Variants in CHCHD3 observed in about 807,000 individuals in gnomAD.
CHCHD3 encodes the protein coiled-coil-helix-coiled-coil-helix domain containing 3.
A neutral mutation model predicts 38.2 loss-of-function variants in CHCHD3; 20 were observed. That is an observed-to-expected ratio of 0.52 (90% CI 0.37 to 0.76). The LOEUF (loss-of-function observed/expected upper bound fraction) is 0.76. Among genes scored for constraint, CHCHD3 ranks in the 30% least tolerant of loss-of-function variants. The pLI, the probability that CHCHD3 is intolerant of heterozygous loss-of-function variation, is 0.00. For synonymous variants in CHCHD3, 82 were observed against 100.0 expected (o/e 0.82, Z 1.07); for missense variants, 245 against 279.2 (o/e 0.88, Z 0.87).
intron 2 of CHCHD3, among the ~76,000 whole-genome samples, chr7:133,064,036 A>G (rs1184623563): frequency 6.6e-6 from 1 of 152,200 alleles, no homozygotes; most frequent in Non-Finnish European, 1.5e-5. Flanking sequence ...AGCACTTTCC[A>G]TACCTCTTAT....
intron 2 of CHCHD3, among the ~76,000 whole-genome samples, chr7:133,062,421 A>G (rs1052025601): frequency 7.2e-5 from 11 of 152,182 alleles, no homozygotes; most frequent in African/African-American, 2.4e-4. Flanking sequence ...CCAATGCCGT[A>G]TTTTATTTCA....
At chr7:132,840,631 T>C (rs1585561976) in intron 5 of CHCHD3, among the ~76,000 whole-genome samples, 1 of 152,234 alleles carries the variant, frequency 6.6e-6, no homozygotes, top group East Asian at 1.9e-4. Context: ...TCAAATAAGA[T>C]AGGCAAGAGA....
intron 6 of CHCHD3, among the ~76,000 whole-genome samples, chr7:132,826,112 C>A (rs1268141433): frequency 6.6e-6 from 1 of 152,158 alleles, no homozygotes; most frequent in African/African-American, 2.4e-5. Flanking sequence ...CAGTGGCTAG[C>A]CGGTGGACTT....
intron 2 of CHCHD3, among the ~76,000 whole-genome samples, chr7:133,050,467 T>C (rs1814131965): frequency 6.6e-6 from 1 of 150,500 alleles, no homozygotes; most frequent in Admixed American, 6.6e-5. Context: ...CCACTCTTAA[T>C]GGCACACAGG....
chr7:133,035,978 C>T lies in CHCHD3; in HGVS notation c.170-11351G>A. On this transcript the variant is annotated intron_variant, in intron 2 of 7. Coordinates refer to ENST00000262570, the MANE Select transcript of CHCHD3 (RefSeq NM_017812.4). The surrounding 1 kb of genome is among the most constrained non-coding windows in gnomAD (Gnocchi z 4.7). ...TTAAAAGTGTTATCAGGTAGGGGTC[C>T]TTAGGGGAACTGTTTTAATGAAACT... The T allele has an allele frequency of 8.7e-7, 1 of 1,155,926 alleles. No individual in the cohort carries two copies. Among genetic ancestry groups the T allele is most frequent in the Non-Finnish European group, 1.3e-6 (1 of 783,800 alleles). 71.6% of individuals were successfully genotyped at this position (1,155,926 alleles called of 1,614,324 possible).
intron 4 of CHCHD3, among the ~76,000 whole-genome samples, chr7:132,928,021 G>A (rs186495023): frequency 3.3e-5 from 5 of 152,174 alleles, no homozygotes; most frequent in East Asian, 3.9e-4. Flanking sequence ...GCACAGAACC[G>A]AGCCAGGTTC....
Position 133,065,521 on chromosome 7 carries a change from G to A in CHCHD3, c.169+4621C>T, listed in dbSNP as rs151015872. Among the ~76,000 whole-genome samples the A allele has an allele frequency of 3.9e-5, 6 of 152,232 alleles. No individual in the cohort carries two copies. The East Asian group carries it at 1.2e-3, about 29-fold the overall frequency. On this transcript the variant is annotated intron_variant, in intron 2 of 7. Transcript: ENST00000262570. ...TAGCCTAGGGCTGGTATGACTAAGA[G>A]TCCTGTGAGAAAGAAGGCTTTTTAA...
At chr7:132,915,739 TAA>T (rs945566889) in intron 4 of CHCHD3, among the ~76,000 whole-genome samples, 8 of 152,178 alleles carry the variant, frequency 5.3e-5, no homozygotes, top group African/African-American at 1.9e-4. Context: ...TCATAGTACT[TAA>T]GAGAGAAGAT....
intron 6 of CHCHD3, among the ~76,000 whole-genome samples, chr7:132,820,297 TTC>T (rs1380272055): frequency 1.3e-5 from 2 of 152,258 alleles, no homozygotes; most frequent in Non-Finnish European, 2.9e-5. Context: ...AGCTTCATTG[TTC>T]TCTTCATAAT....
intron 3 of CHCHD3, among the ~76,000 whole-genome samples, chr7:132,985,348 G>A (rs1389961335): frequency 1.7e-4 from 12 of 71,038 alleles, no homozygotes; most frequent in African/African-American, 5.6e-4. Context: ...CCCTCTGCCC[G>A]GCCAGCCGCC....
In CHCHD3 at chr7:132,879,716, TAAAAAAAAAAAAAA is replaced by T. The variant is rs56259114; in HGVS notation, c.453+5932_453+5945del. On this transcript the variant is annotated intron_variant, in intron 5 of 7. Transcript: ENST00000262570. ...AACTATCAGAACACTTTGTCAAAAG[TAAAAAAAAAAAAAA>T]AAAAAAAAAAAAAAAAGGTTTGCTT... Among the ~76,000 whole-genome samples, 8 of 38,432 alleles carry T rather than the reference TAAAAAAAAAAAAAA, an allele frequency of 2.1e-4. No individual in the cohort carries two copies. In the South Asian group the frequency reaches 7.4e-3, roughly 35 times the overall value. 25.2% of individuals were successfully genotyped at this position (38,432 alleles called of 152,430 possible).
intron 6 of CHCHD3, among the ~76,000 whole-genome samples, chr7:132,801,614 T>C (rs541502179): frequency 6.6e-6 from 1 of 152,212 alleles, no homozygotes; most frequent in Non-Finnish European, 1.5e-5. Flanking sequence ...GGACATCACC[T>C]AGCTCAGTAC....
chr7:133,005,665 T>C (rs1334298319), intron 3 of CHCHD3, among the ~76,000 whole-genome samples: 1 of 152,226 alleles, frequency 6.6e-6, no homozygotes, highest in African/African-American at 2.4e-5. Flanking sequence ...CATCAAGTTA[T>C]CCTTCAAAAA....
chr7:132,932,481 C>T (rs1278536881), intron 4 of CHCHD3, among the ~76,000 whole-genome samples: 1 of 152,184 alleles, frequency 6.6e-6, no homozygotes, highest in Non-Finnish European at 1.5e-5. Context: ...TTCCCTAGGT[C>T]TTTACCCTGG....
At chr7:132,910,871 C>G (rs538456524) in intron 4 of CHCHD3, among the ~76,000 whole-genome samples, 1 of 152,180 alleles carries the variant, frequency 6.6e-6, no homozygotes, top group Admixed American at 6.5e-5. Flanking sequence ...CAGCTCACTA[C>G]GTAAGCATTA....
At chr7:133,077,268 C>G (rs184511156) in intron 1 of CHCHD3, among the ~76,000 whole-genome samples, 17 of 152,310 alleles carry the variant, frequency 1.1e-4, no homozygotes, top group Admixed American at 7.2e-4. Context: ...CACTACTTAA[C>G]TAAATTTGCA....
chr7:132,875,765 C>T (rs1003322755), intron 5 of CHCHD3, among the ~76,000 whole-genome samples: 26 of 152,132 alleles, frequency 1.7e-4, no homozygotes, highest in Admixed American at 1.3e-4. Context: ...CCTCTAGTCC[C>T]CAAAATTCTG....
chr7:132,975,027 A>G (rs1408030656), intron 4 of CHCHD3, 142 bp downstream of exon 4: 1 of 671,374 alleles, frequency 1.5e-6, no homozygotes, highest in African/African-American at 1.8e-5. Flanking sequence ...GCTACTTATA[A>G]AAGGCAAAAA....
chr7:133,006,350 C>A (rs745964390), intron 3 of CHCHD3, among the ~76,000 whole-genome samples: 4 of 152,052 alleles, frequency 2.6e-5, no homozygotes, highest in Non-Finnish European at 5.9e-5. Flanking sequence ...CCTGTAATCC[C>A]AGCTACTTGG....
Sources: gnomAD v4.1 joint callset for allele counts (sites outside exome capture counted in the v4.1 genomes callset) on GRCh38, gnomAD v4.1.1 for gene constraint, Gnocchi (gnomAD v3.1) non-coding constraint, MANE v1.5 for transcripts, NCBI Gene and HGNC (gene_info 2026-07-23, HGNC 2026-07-21) for gene names.